SGCD: variants seen among roughly 807,000 people sequenced by gnomAD.
SGCD encodes delta-sarcoglycan.
SGCD carries 18 observed loss-of-function variants against 36.6 expected under a neutral mutation model. The observed-to-expected ratio is 0.49, with a 90% confidence interval of 0.34 to 0.73. The LOEUF (loss-of-function observed/expected upper bound fraction) is 0.73. SGCD is among the 30% of genes least tolerant of loss of function. The pLI is 0.01. For synonymous variants in SGCD, 133 were observed against 130.6 expected, an observed-to-expected ratio of 1.02 and a Z score of -0.12; for missense variants, 387 against 346.7, an observed-to-expected ratio of 1.12 and a Z score of -0.92.
intron 3 of SGCD, among the ~76,000 whole-genome samples, chr5:156,263,506 A>T (rs1765921418): frequency 6.6e-6 from 1 of 152,044 alleles, no homozygotes; most frequent in Admixed American, 6.6e-5. Flanking sequence ...CTGTTGTCGA[A>T]TGCATAGGTT....
At chr5:155,858,847 G>A in the SGCD span, among the ~76,000 whole-genome samples, 6 of 152,024 alleles carry the variant, frequency 3.9e-5, no homozygotes, top group South Asian at 6.2e-4. Context: ...TTCCCTAGGT[G>A]AGTCCTATGC....
intron 3 of SGCD, among the ~76,000 whole-genome samples, chr5:156,500,953 G>A (rs1756419809): frequency 6.6e-6 from 1 of 152,176 alleles, no homozygotes; most frequent in African/African-American, 2.4e-5. Context: ...CCAGTGGGAA[G>A]GCCTCTGGGA....
intron 3 of SGCD, among the ~76,000 whole-genome samples, chr5:156,485,455 G>A (rs539311799): frequency 9.9e-5 from 15 of 152,226 alleles, no homozygotes; most frequent in Non-Finnish European, 1.8e-4. Context: ...CTGAGATCAG[G>A]AGTTCAAGCC....
At chr5:155,789,313 TTAACTG>T in the SGCD span, among the ~76,000 whole-genome samples, 1 of 152,162 alleles carries the variant, frequency 6.6e-6, no homozygotes, top group Non-Finnish European at 1.5e-5. Flanking sequence ...AAAAGTGTTA[TTAACTG>T]TTTATTGAAA....
chr5:155,792,582 A>G, the SGCD span, among the ~76,000 whole-genome samples: 1 of 152,282 alleles, frequency 6.6e-6, no homozygotes, highest in South Asian at 2.1e-4. Flanking sequence ...ATCCAACTAA[A>G]AAATGGACAA....
At chr5:155,963,718 G>C (rs1261061474) in intron 1 of SGCD, among the ~76,000 whole-genome samples, 1 of 152,038 alleles carries the variant, frequency 6.6e-6, no homozygotes, top group Non-Finnish European at 1.5e-5. Context: ...TTACTTCAAA[G>C]AACCCCAGTC....
At chr5:156,008,708 T>C (rs911637460) in intron 1 of SGCD, among the ~76,000 whole-genome samples, 1 of 152,194 alleles carries the variant, frequency 6.6e-6, no homozygotes, top group Non-Finnish European at 1.5e-5. Flanking sequence ...ACCAGTTGTA[T>C]TGGATTAAGG....
intron 1 of SGCD, among the ~76,000 whole-genome samples, chr5:155,882,936 G>C (rs1000374413): frequency 6.6e-6 from 1 of 152,162 alleles, no homozygotes; most frequent in Non-Finnish European, 1.5e-5. Context: ...AAGCTGATTT[G>C]TATACACTGA....
rs148219506 is a variant in SGCD at position 156,503,935 on chromosome 5, G to T, written c.193-4666G>T. Among the ~76,000 whole-genome samples, 518 of 152,118 alleles carry T rather than the reference G, an allele frequency of 3.4e-3. 1 individual carries two copies. The highest frequency in any genetic ancestry group is 0.012 in the African/African-American group (488 of 41,484). ...TTAGAATGTACAGCCCAGTCATGGTGGCTCATGCCTGTAATTCCAGCACTT... is the reference window on the plus strand; with the variant it reads ...TTAGAATGTACAGCCCAGTCATGGTTGCTCATGCCTGTAATTCCAGCACTT... On this transcript the variant is annotated intron_variant, in intron 3 of 8. Transcript: ENST00000337851.
chr5:156,256,541 A>G (rs1765722001), intron 3 of SGCD, among the ~76,000 whole-genome samples: 1 of 152,188 alleles, frequency 6.6e-6, no homozygotes, highest in African/African-American at 2.4e-5. Context: ...CTGTAGATAT[A>G]TGATGATTTA....
chr5:155,802,469 T>G, the SGCD span, among the ~76,000 whole-genome samples: 1 of 152,178 alleles, frequency 6.6e-6, no homozygotes, highest in Non-Finnish European at 1.5e-5. Flanking sequence ...TTGCTTGAGA[T>G]TGAAGGATTC....
chr5:156,265,424 A>T (rs866040944), intron 3 of SGCD, among the ~76,000 whole-genome samples: 27 of 151,946 alleles, frequency 1.8e-4, no homozygotes, highest in African/African-American at 6.0e-4. Flanking sequence ...AATGCAATTG[A>T]TCCTCATTAC....
chr5:156,307,336 C>G (rs918505963), intron 3 of SGCD, among the ~76,000 whole-genome samples: 1 of 152,128 alleles, frequency 6.6e-6, no homozygotes, highest in Non-Finnish European at 1.5e-5. Flanking sequence ...GCCACTGCAC[C>G]TAGCAAATTT....
the SGCD span, among the ~76,000 whole-genome samples, chr5:155,773,966 G>A: frequency 6.6e-6 from 1 of 152,088 alleles, no homozygotes; most frequent in Non-Finnish European, 1.5e-5. Flanking sequence ...AGAGTCCACT[G>A]TAAAATTATA....
At chr5:155,975,610 T>C (rs868364031) in intron 1 of SGCD, among the ~76,000 whole-genome samples, 3,726 of 31,146 alleles carry the variant, frequency 0.12, 65 homozygotes, top group South Asian at 0.26. Flanking sequence ...CTTTCTTTCC[T>C]TTTTTTTTTT....
intron 1 of SGCD, among the ~76,000 whole-genome samples, chr5:156,010,382 A>G (rs1758834925): frequency 6.6e-6 from 1 of 152,206 alleles, no homozygotes; most frequent in African/African-American, 2.4e-5. Context: ...GATAGTTGTT[A>G]ACATGTCAAA....
At position 156,383,274 on chromosome 5, in the gene SGCD, C is replaced by T. The variant is rs577683077; in HGVS notation, c.192+38597C>T. Among the ~76,000 whole-genome samples, 3 of 152,202 alleles carry T rather than the reference C, an allele frequency of 2.0e-5. No homozygotes were observed. In the East Asian group the frequency reaches 5.8e-4, roughly 30 times the overall value. On this transcript the variant is annotated intron_variant, in intron 3 of 8. Coordinates refer to ENST00000337851, the MANE Select transcript of SGCD (RefSeq NM_000337.6). ...ATCCCAGCACTTTGGGAGGCCGAGGCAGGCAGATCACTTGAGGTCAGGAGA... is the reference window on the plus strand; with the variant it reads ...ATCCCAGCACTTTGGGAGGCCGAGGTAGGCAGATCACTTGAGGTCAGGAGA...
At chr5:156,745,732 C>T (rs555028976) in intron 7 of SGCD, among the ~76,000 whole-genome samples, 38 of 151,952 alleles carry the variant, frequency 2.5e-4, no homozygotes, top group African/African-American at 8.7e-4. Context: ...ATAAAAATAA[C>T]ACATTAGAAA....
intron 7 of SGCD, among the ~76,000 whole-genome samples, chr5:156,694,561 T>C (rs541884455): frequency 6.6e-6 from 1 of 152,294 alleles, no homozygotes; most frequent in East Asian, 1.9e-4. Flanking sequence ...AAACAAGATA[T>C]TATTAACAGA....
Sources: allele counts gnomAD v4.1 joint callset (sites outside exome capture counted in the v4.1 genomes callset), GRCh38; gene constraint gnomAD v4.1.1; transcripts MANE v1.5; gene names NCBI Gene and HGNC (gene_info 2026-07-23, HGNC 2026-07-21).